Variants in STRAP observed in about 807,000 individuals in gnomAD.
The protein encoded by STRAP is serine/threonine kinase receptor associated protein.
STRAP carries 16 observed loss-of-function variants against 47.0 expected under a neutral mutation model. That is an observed-to-expected ratio of 0.34 (90% CI 0.23 to 0.52). The LOEUF (loss-of-function observed/expected upper bound fraction) is 0.52. Among genes scored for constraint, STRAP ranks in the 20% least tolerant of loss-of-function variants. The pLI is 0.96. For synonymous variants in STRAP, 130 were observed against 142.7 expected, an observed-to-expected ratio of 0.91 and a Z score of 0.63; for missense variants, 293 against 420.0, an observed-to-expected ratio of 0.70 and a Z score of 2.64.
At chr12:15,883,193 G>T (rs758066422) in intron 1 of STRAP, 2 of 1,460,980 alleles carry the variant, frequency 1.4e-6, no homozygotes, top group East Asian at 4.9e-5. Context: ...AAAGACGTTC[G>T]CTCTTGTCTC....
intron 9 of STRAP, among the ~76,000 whole-genome samples, chr12:15,901,634 C>G (rs1055577225): frequency 6.6e-6 from 1 of 151,978 alleles, no homozygotes; most frequent in Non-Finnish European, 1.5e-5. Flanking sequence ...AAGAAGAGGA[C>G]TTTAAAAGAT....
At chr12:15,899,061 GT>G in intron 7 of STRAP, among the ~76,000 whole-genome samples, 1 of 152,160 alleles carries the variant, frequency 6.6e-6, no homozygotes, top group East Asian at 1.9e-4. Context: ...GTTTTAGAAT[GT>G]TTTTGGTTTC....
intron 2 of STRAP, among the ~76,000 whole-genome samples, chr12:15,885,409 G>A (rs1413467371): frequency 6.6e-6 from 1 of 150,814 alleles, no homozygotes; most frequent in African/African-American, 2.4e-5. Flanking sequence ...GGCCGGTCTC[G>A]AACTCCTGAC....
At chr12:15,893,478 TATA>T (rs1466967893) in intron 4 of STRAP, among the ~76,000 whole-genome samples, 2 of 146,630 alleles carry the variant, frequency 1.4e-5, no homozygotes, top group Non-Finnish European at 3.0e-5. Context: ...TACTTTTTAT[TATA>T]TATAAAATTC....
intron 9 of STRAP, 130 bp from the exon 10 acceptor site, chr12:15,902,787 T>G (rs1012521006): frequency 8.6e-7 from 1 of 1,165,836 alleles, no homozygotes; most frequent in African/African-American, 1.6e-5. Context: ...TGCTCTCTTC[T>G]TTCCCTTACC....
At chr12:15,885,927 T>C (rs565453752) in intron 2 of STRAP, among the ~76,000 whole-genome samples, 2 of 152,352 alleles carry the variant, frequency 1.3e-5, no homozygotes, top group African/African-American at 4.8e-5. Context: ...ATAGCTACCA[T>C]GTAAACTATC....
rs927018925 is a variant in STRAP, at chr12:15,882,407, G to T, written c.-301G>T. On this transcript the variant is annotated 5_prime_UTR_variant, in exon 1 of 10. An upstream start codon of the reference 5' UTR is lost. Coordinates refer to ENST00000419869, the MANE Select transcript of STRAP (RefSeq NM_007178.4). The stretch of plus-strand genomic sequence containing the variant: ...ATTTACGTCGTCACTTCCTGCCGAT[G>T]CCGGTGTGGACGCTGTGAATCGTGG... 2.2e-6 allele frequency: 1 copy of T among 450,352 alleles called. No individual in the cohort carries two copies. The highest frequency in any genetic ancestry group is 2.0e-5 in the African/African-American group (1 of 50,332). The allele number at this position is 450,352 out of a possible 1,614,324, so 27.9% of individuals were successfully genotyped here. A position where few individuals can be genotyped will look rare whatever the true frequency, so the allele number is the denominator to read the frequency against.
At position 15,894,198 on chromosome 12, in the gene STRAP, G is replaced by C; in HGVS notation, c.500+55G>C. 2 of 1,430,344 alleles carry C rather than the reference G, an allele frequency of 1.4e-6. No homozygotes were observed. The highest frequency in any genetic ancestry group is 2.0e-6 in the Non-Finnish European group (2 of 1,019,914). 88.6% of individuals were successfully genotyped at this position (1,430,344 alleles called of 1,614,324 possible). ...TTTAAGGCCGGGCATGGTGGCTCACGCCTATAATCTCAGCACTTTGGGAGG... is the reference window on the plus strand; with the variant it reads ...TTTAAGGCCGGGCATGGTGGCTCACCCCTATAATCTCAGCACTTTGGGAGG... On this transcript the variant is annotated intron_variant, in intron 5 of 9. Coordinates refer to ENST00000419869, the MANE Select transcript of STRAP (RefSeq NM_007178.4). This position sits in a 1 kb window ranked among gnomAD's most constrained non-coding sequence, Gnocchi z 4.9.
At position 15,901,032 on chromosome 12, in the gene STRAP, CT is replaced by C; in HGVS notation, c.991+24del. ...AGCTAGGTAAATGCTATGGAATTGA[CT>C]TTTGTAAGAGTCTTGGGGGATTTAA... On this transcript the variant is annotated intron_variant, in intron 9 of 9. Coordinates refer to ENST00000419869, the MANE Select transcript of STRAP (RefSeq NM_007178.4). The C allele has an allele frequency of 6.4e-7, 1 of 1,565,716 alleles. No individual in the cohort carries two copies. The highest frequency in any genetic ancestry group is 1.9e-5 in the Admixed American group (1 of 52,820).
intron 6 of STRAP, among the ~76,000 whole-genome samples, chr12:15,897,457 T>C (rs951451884): frequency 2.0e-5 from 3 of 152,210 alleles, no homozygotes; most frequent in Non-Finnish European, 2.9e-5. Context: ...AATAATAATA[T>C]ATAAATAATC....
At position 15,895,389 on chromosome 12, in the gene STRAP, GA is replaced by G; in HGVS notation, c.534del (p.Lys178AsnfsTer3). On this transcript the variant is annotated frameshift_variant, in exon 6 of 10. Coordinates refer to ENST00000419869, the MANE Select transcript of STRAP (RefSeq NM_007178.4). LOFTEE classifies it high-confidence loss of function. ...LWDHATMTEV[K>X]SLNFNMSVSS... Reference sequence around the variant, plus strand: ...GGGATCATGCTACTATGACAGAAGTGAAATCTCTAAATTTTAATATGTCTGT... The same window carrying G: ...GGGATCATGCTACTATGACAGAAGTGAATCTCTAAATTTTAATATGTCTGT... 1 of 1,594,074 alleles carries G rather than the reference GA, an allele frequency of 6.3e-7. No homozygotes were observed. Among genetic ancestry groups the G allele is most frequent in the Non-Finnish European group, 8.5e-7 (1 of 1,174,398 alleles).
At chr12:15,888,927 A>C (rs1161022697) in intron 2 of STRAP, among the ~76,000 whole-genome samples, 1 of 152,148 alleles carries the variant, frequency 6.6e-6, no homozygotes, top group African/African-American at 2.4e-5. Context: ...GAAAAGATAC[A>C]TCTTGCTTTT....
chr12:15,898,913 T>A (rs549064263), intron 7 of STRAP, among the ~76,000 whole-genome samples: 24 of 152,348 alleles, frequency 1.6e-4, no homozygotes, highest in African/African-American at 5.3e-4. Flanking sequence ...GCATCTGGGT[T>A]GCACAAATGG....
intron 6 of STRAP, 145 bp from the exon 7 acceptor site, chr12:15,897,737 A>G: frequency 2.0e-6 from 1 of 489,808 alleles, no homozygotes; most frequent in Non-Finnish European, 3.3e-6. Flanking sequence ...TTTTTTGCTA[A>G]CAGCTTTTTT....
rs988419876 is a variant in STRAP, at chr12:15,891,465, A to G, written c.403+796A>G. Among the ~76,000 whole-genome samples, 8 of 152,228 alleles carry G rather than the reference A, an allele frequency of 5.3e-5. 1 individual carries two copies. The highest frequency in any genetic ancestry group is 4.6e-4 in the Admixed American group (7 of 15,282). Reference sequence around the variant, plus strand: ...GTTTGTAATGACTTTCTGGTTTTCCATCCTGTGGTTATATCATAAGTGAAT... The same window carrying G: ...GTTTGTAATGACTTTCTGGTTTTCCGTCCTGTGGTTATATCATAAGTGAAT... On this transcript the variant is annotated intron_variant, in intron 4 of 9. Transcript: ENST00000419869.
At chr12:15,893,691 T>C (rs1948037034) in intron 4 of STRAP, among the ~76,000 whole-genome samples, 2 of 148,316 alleles carry the variant, frequency 1.3e-5, no homozygotes, top group Non-Finnish European at 3.0e-5. Flanking sequence ...ATAATGCTTT[T>C]ATATTTATTA....
At chr12:15,895,960 C>T (rs1229502955) in intron 6 of STRAP, among the ~76,000 whole-genome samples, 1 of 150,530 alleles carries the variant, frequency 6.6e-6, no homozygotes, top group Non-Finnish European at 1.5e-5. Flanking sequence ...TGGTGGCTCA[C>T]GTCTGTAATC....
At position 15,887,906 on chromosome 12, in the gene STRAP, A is replaced by G. The variant is rs1012683010; in HGVS notation, c.249-2022A>G. 7.9e-5 allele frequency among the ~76,000 whole-genome samples: 12 copies of G among 152,272 alleles called. No homozygotes were observed. The highest frequency in any genetic ancestry group is 2.9e-4 in the African/African-American group (12 of 41,570). On this transcript the variant is annotated intron_variant, in intron 2 of 9. Transcript: ENST00000419869. This position sits in a 1 kb window ranked among gnomAD's most constrained non-coding sequence, Gnocchi z 5.5. The stretch of plus-strand genomic sequence containing the variant: ...ACTTGAAATTAGCATATCAAAGGAC[A>G]TTGCCCGGGTTTCTTTGGAGACTTG...
chr12:15,896,765 A>T lies in STRAP; in HGVS notation c.639-1117A>T, dbSNP rs557759895. Among the ~76,000 whole-genome samples the T allele has an allele frequency of 6.6e-6, 1 of 152,346 alleles. No homozygotes were observed. Among genetic ancestry groups the T allele is most frequent in the South Asian group, 2.1e-4 (1 of 4,834 alleles). On this transcript the variant is annotated intron_variant, in intron 6 of 9. Transcript: ENST00000419869. This position sits in a 1 kb window ranked among gnomAD's most constrained non-coding sequence, Gnocchi z 4.1. ...ACAGTAGATAGGATCCTGTAAGTAG[A>T]ATTATCAGTTCAAAGGCTAGAAATG...
Sources: gnomAD v4.1 joint callset for allele counts (sites outside exome capture counted in the v4.1 genomes callset) on GRCh38, gnomAD v4.1.1 for gene constraint, Gnocchi (gnomAD v3.1) non-coding constraint, MANE v1.5 for transcripts, NCBI Gene and HGNC (gene_info 2026-07-23, HGNC 2026-07-21) for gene names.